The following DLGAP1 variants were observed in gnomAD, a reference collection of about 807,000 sequenced individuals.
The protein encoded by DLGAP1 is DLG associated protein 1.
DLGAP1 carries 11 observed loss-of-function variants against 90.8 expected under a neutral mutation model. The ratio of observed to expected loss-of-function variants is 0.12; its 90% CI spans 0.08 to 0.20. The LOEUF is 0.20. DLGAP1 is among the 10% of genes least tolerant of loss of function. The probability of loss-of-function intolerance (pLI) is 1.00; values close to 1 mark genes in which losing one functional copy is unlikely to be tolerated. For missense variants in DLGAP1, 1,050 were observed against 1,333.8 expected (o/e 0.79, Z 3.31); for synonymous variants, 558 against 540.7 (o/e 1.03, Z -0.44).
intron 1 of DLGAP1, among the ~76,000 whole-genome samples, chr18:4,316,688 T>C (rs1005384749): frequency 3.3e-5 from 5 of 152,162 alleles, no homozygotes; most frequent in Non-Finnish European, 7.4e-5. Flanking sequence ...ATCCTGACTA[T>C]GTGCAGGGAG....
At position 4,168,613 on chromosome 18, in the gene DLGAP1, T is replaced by C. The variant is rs57300873; in HGVS notation, c.-266-17326A>G. Among the ~76,000 whole-genome samples, 1,321 of 152,298 alleles carry C rather than the reference T, an allele frequency of 8.7e-3. 19 individuals carry two copies. The highest frequency in any genetic ancestry group is 0.029 in the African/African-American group (1,220 of 41,550). On this transcript the variant is annotated intron_variant, in intron 1 of 12. Coordinates refer to ENST00000315677, the MANE Select transcript of DLGAP1 (RefSeq NM_004746.4). Reference sequence around the variant, plus strand: ...TCTACTTTTCGTTTCTATTAATTTGTCTACTCTAGGGACCTCATAAAAGTG... The same window carrying C: ...TCTACTTTTCGTTTCTATTAATTTGCCTACTCTAGGGACCTCATAAAAGTG...
intron 2 of DLGAP1, among the ~76,000 whole-genome samples, chr18:4,060,706 A>T (rs2075286357): frequency 6.6e-6 from 1 of 152,236 alleles, no homozygotes; most frequent in Non-Finnish European, 1.5e-5. Context: ...AAAGTTATCA[A>T]GGTAAATAAG....
chr18:3,956,643 C>T lies in DLGAP1; in HGVS notation c.-73+48473G>A, dbSNP rs139828310. Among the ~76,000 whole-genome samples, 9 of 152,032 alleles carry T rather than the reference C, an allele frequency of 5.9e-5. No homozygotes were observed. The East Asian group carries it at 9.7e-4, about 16-fold the overall frequency. On this transcript the variant is annotated intron_variant, in intron 3 of 12. Coordinates refer to ENST00000315677, the MANE Select transcript of DLGAP1 (RefSeq NM_004746.4). ...GATTATAGAAGTGAACCACCACGCC[C>T]GGCCTATTTTTCCTTTTCTTTTAGA...
chr18:3,627,877 T>C (rs1599613362), intron 7 of DLGAP1, among the ~76,000 whole-genome samples: 1 of 21,878 alleles, frequency 4.6e-5, no homozygotes, highest in Non-Finnish European at 1.2e-4. Flanking sequence ...CTTCCTTCCT[T>C]TTTTTTTTTT....
At chr18:4,255,041 C>T (rs1231370361) in intron 1 of DLGAP1, among the ~76,000 whole-genome samples, 1 of 152,196 alleles carries the variant, frequency 6.6e-6, no homozygotes, top group African/African-American at 2.4e-5. Flanking sequence ...GTGAGGAAAC[C>T]AGCCTGGGCA....
intron 3 of DLGAP1, among the ~76,000 whole-genome samples, chr18:4,004,291 T>C (rs901646842): frequency 1.3e-5 from 2 of 152,182 alleles, no homozygotes; most frequent in African/African-American, 2.4e-5. Flanking sequence ...TTCCCAGTGA[T>C]TGTTTTTCTT....
chr18:4,233,951 G>A (rs541336041), intron 1 of DLGAP1, among the ~76,000 whole-genome samples: 23 of 151,900 alleles, frequency 1.5e-4, no homozygotes, highest in East Asian at 7.7e-4. Flanking sequence ...TACATCATAC[G>A]TTTTTAAAAT....
chr18:4,163,146 C>T (rs2076874248), intron 1 of DLGAP1, among the ~76,000 whole-genome samples: 1 of 152,168 alleles, frequency 6.6e-6, no homozygotes, highest in Non-Finnish European at 1.5e-5. Flanking sequence ...AAATTCATAA[C>T]CACTCATCTT....
At chr18:3,751,443 T>A (rs2063489720) in intron 5 of DLGAP1, among the ~76,000 whole-genome samples, 1 of 152,014 alleles carries the variant, frequency 6.6e-6, no homozygotes, top group Admixed American at 6.6e-5. Context: ...ACCACAGGTG[T>A]GTGTCACTAC....
intron 4 of DLGAP1, among the ~76,000 whole-genome samples, chr18:3,869,830 AG>A (rs139331341): frequency 0.011 from 1,629 of 152,340 alleles, 21 homozygotes; most frequent in Middle Eastern, 0.041. Context: ...TTAATGTTTG[AG>A]GATCTACAAA....
At chr18:4,134,360 T>C (rs1414961376) in intron 2 of DLGAP1, among the ~76,000 whole-genome samples, 2 of 152,150 alleles carry the variant, frequency 1.3e-5, no homozygotes, top group Non-Finnish European at 2.9e-5. Context: ...TTGGTTAATC[T>C]TACTCTTAAG....
At chr18:3,518,081 T>G (rs1477815445) in intron 10 of DLGAP1, among the ~76,000 whole-genome samples, 1 of 152,364 alleles carries the variant, frequency 6.6e-6, no homozygotes, top group East Asian at 1.9e-4. Context: ...TTGACATGCC[T>G]TCCTAACTAA....
chr18:3,720,912 A>T (rs1271347768), intron 7 of DLGAP1, among the ~76,000 whole-genome samples: 1 of 149,942 alleles, frequency 6.7e-6, no homozygotes, highest in African/African-American at 2.5e-5. Flanking sequence ...AAAAAAAATT[A>T]GCTGGGCCTG....
intron 9 of DLGAP1, among the ~76,000 whole-genome samples, chr18:3,552,875 C>T (rs1377788839): frequency 1.3e-5 from 2 of 152,132 alleles, no homozygotes; most frequent in African/African-American, 4.8e-5. Flanking sequence ...ATCTTGGATT[C>T]CTGCACTACT....
intron 2 of DLGAP1, among the ~76,000 whole-genome samples, chr18:4,119,987 A>G (rs1318441051): frequency 2.0e-5 from 3 of 152,358 alleles, no homozygotes; most frequent in Admixed American, 2.0e-4. Context: ...AAAAAGAGAA[A>G]CAACCTTTTA....
intron 5 of DLGAP1, among the ~76,000 whole-genome samples, chr18:3,755,527 T>A (rs780983122): frequency 2.6e-5 from 4 of 151,882 alleles, no homozygotes; most frequent in Non-Finnish European, 5.9e-5. Flanking sequence ...CTATACTAAT[T>A]TCAGACCAAA....
intron 7 of DLGAP1, among the ~76,000 whole-genome samples, chr18:3,650,430 C>T (rs2059256451): frequency 6.6e-6 from 1 of 152,024 alleles, no homozygotes; most frequent in Admixed American, 6.6e-5. Flanking sequence ...TCAACACTAC[C>T]CTGGGCAACA....
At chr18:3,544,618 T>C (rs921047751) in intron 9 of DLGAP1, among the ~76,000 whole-genome samples, 1 of 152,122 alleles carries the variant, frequency 6.6e-6, no homozygotes, top group Non-Finnish European at 1.5e-5. Context: ...TACTTTTTCC[T>C]GAACCCTTGA....
intron 5 of DLGAP1, among the ~76,000 whole-genome samples, chr18:3,793,658 G>T (rs192837549): frequency 3.3e-5 from 5 of 152,176 alleles, no homozygotes; most frequent in Non-Finnish European, 5.9e-5. Context: ...CTTGAGCCTA[G>T]CTCTCTCTTT....
Sources: gnomAD v4.1 joint callset for allele counts (sites outside exome capture counted in the v4.1 genomes callset) on GRCh38, gnomAD v4.1.1 for gene constraint, MANE v1.5 for transcripts, NCBI Gene and HGNC (gene_info 2026-07-23, HGNC 2026-07-21) for gene names.